Variants in TENM3 observed in about 807,000 individuals in gnomAD.
TENM3 encodes teneurin-3.
In TENM3, 63 loss-of-function variants were observed where a neutral mutation model predicts 255.1. That is an observed-to-expected ratio of 0.25 (90% confidence interval 0.20 to 0.30). The LOEUF (loss-of-function observed/expected upper bound fraction) is 0.30. Among genes scored for constraint, TENM3 ranks in the 10% least tolerant of loss-of-function variants. The probability of loss-of-function intolerance (pLI) is 1.00; values close to 1 mark genes in which losing one functional copy is unlikely to be tolerated. For synonymous variants in TENM3, 1,306 were observed against 1,322.3 expected (o/e 0.99, Z 0.27); for missense variants, 2,929 against 3,461.1 (o/e 0.85, Z 3.86).
At chr4:181,515,829 AGC>A in the TENM3 span, among the ~76,000 whole-genome samples, 1 of 152,176 alleles carries the variant, frequency 6.6e-6, no homozygotes, top group Non-Finnish European at 1.5e-5. Flanking sequence ...CATTTGATAC[AGC>A]AATCCCCTTA....
chr4:182,503,273 T>A (rs1387155094), intron 3 of TENM3, among the ~76,000 whole-genome samples: 1 of 152,152 alleles, frequency 6.6e-6, no homozygotes, highest in Non-Finnish European at 1.5e-5. Flanking sequence ...TTTCAACCTG[T>A]CCCAAACTTC....
At chr4:182,207,945 G>A (rs1289447709) in intron 1 of TENM3, among the ~76,000 whole-genome samples, 1 of 152,160 alleles carries the variant, frequency 6.6e-6, no homozygotes, top group African/African-American at 2.4e-5. Flanking sequence ...TAAAAATGCT[G>A]CTGCTGCTGT....
At chr4:181,757,777 T>C in the TENM3 span, among the ~76,000 whole-genome samples, 1 of 152,146 alleles carries the variant, frequency 6.6e-6, no homozygotes, top group Non-Finnish European at 1.5e-5. Flanking sequence ...AGAAGTTTCA[T>C]CTCCCTTACC....
At chr4:182,378,464 A>C (rs1355440754) in intron 3 of TENM3, among the ~76,000 whole-genome samples, 1 of 152,236 alleles carries the variant, frequency 6.6e-6, no homozygotes, top group East Asian at 1.9e-4. Flanking sequence ...CCAGGTGGCC[A>C]GGGAAGTCAT....
At chr4:181,718,638 G>A in the TENM3 span, among the ~76,000 whole-genome samples, 10 of 152,328 alleles carry the variant, frequency 6.6e-5, no homozygotes, top group East Asian at 1.9e-3. Context: ...ATAAATGTAA[G>A]ATGACTGTCA....
chr4:182,647,541 A>G (rs1415411399), intron 5 of TENM3, among the ~76,000 whole-genome samples: 2 of 152,218 alleles, frequency 1.3e-5, no homozygotes, highest in African/African-American at 4.8e-5. Flanking sequence ...GTCGCATTCT[A>G]TAGCATGTGA....
chr4:182,363,269 A>T (rs9997914), intron 3 of TENM3, among the ~76,000 whole-genome samples: 151,357 of 152,204 alleles, frequency 0.99, 75,264 homozygotes, highest in Middle Eastern at 1. Flanking sequence ...CCTTGATGTG[A>T]GTATGTGATA....
intron 3 of TENM3, among the ~76,000 whole-genome samples, chr4:182,349,220 T>C (rs1765020106): frequency 1.3e-5 from 2 of 152,196 alleles, no homozygotes; most frequent in Admixed American, 1.3e-4. Flanking sequence ...TTGGTTGTGG[T>C]TGTACTTTTA....
intron 19 of TENM3, 64 bp from the exon 20 acceptor site, chr4:182,751,736 T>G: frequency 8.1e-7 from 1 of 1,233,150 alleles, no homozygotes; most frequent in South Asian, 1.2e-5. Context: ...TTATTTTGCT[T>G]TTAATTTCCC....
chr4:181,939,736 A>G, the TENM3 span, among the ~76,000 whole-genome samples: 1 of 152,240 alleles, frequency 6.6e-6, no homozygotes, highest in Non-Finnish European at 1.5e-5. Context: ...GGCAGGGGCC[A>G]GGGTGAGTGG....
intron 1 of TENM3, among the ~76,000 whole-genome samples, chr4:182,267,813 T>C (rs375719576): frequency 6.6e-6 from 1 of 152,102 alleles, no homozygotes; most frequent in African/African-American, 2.4e-5. Flanking sequence ...AGTCTTACCA[T>C]GATTTGTCTT....
At chr4:181,880,501 G>A in the TENM3 span, among the ~76,000 whole-genome samples, 1 of 152,026 alleles carries the variant, frequency 6.6e-6, no homozygotes, top group African/African-American at 2.4e-5. Context: ...TCATCAATTG[G>A]TTTATCATTT....
intron 22 of TENM3, among the ~76,000 whole-genome samples, chr4:182,772,223 T>C (rs1454767370): frequency 8.7e-6 from 1 of 115,550 alleles, no homozygotes; most frequent in Non-Finnish European, 2.0e-5. Context: ...CAAGTGAAAT[T>C]GAAAAAACAA....
At chr4:182,529,488 G>T (rs571193593) in intron 3 of TENM3, among the ~76,000 whole-genome samples, 1 of 152,054 alleles carries the variant, frequency 6.6e-6, no homozygotes, top group African/African-American at 2.4e-5. Context: ...TTTAGTGTTT[G>T]TCTAGGGTTG....
chr4:182,662,269 G>A (rs565409260), intron 6 of TENM3, among the ~76,000 whole-genome samples: 1 of 152,188 alleles, frequency 6.6e-6, no homozygotes, highest in South Asian at 2.1e-4. Flanking sequence ...TAAGACTGTT[G>A]TGACACATAC....
intron 12 of TENM3, among the ~76,000 whole-genome samples, chr4:182,710,167 C>T (rs1579193369): frequency 6.6e-6 from 1 of 152,106 alleles, no homozygotes; most frequent in African/African-American, 2.4e-5. Flanking sequence ...CAGTGATCAG[C>T]GTTATTAATT....
chr4:182,177,614 A>AT lies in TENM3; in HGVS notation c.-76+32874dup, dbSNP rs5864769. 3.6e-3 allele frequency among the ~76,000 whole-genome samples: 474 copies of AT among 132,910 alleles called. 9 individuals carry two copies. Among genetic ancestry groups the AT allele is most frequent in the Admixed American group, 0.016 (214 of 13,734 alleles). The allele number at this position is 132,910 out of a possible 152,430, so 87.2% of individuals were successfully genotyped here. Reference sequence around the variant, plus strand: ...ATATTTGGCATACATATATATATATATTTTTTTTTTTTTTGCTCTACCCTC... The same window carrying AT: ...ATATTTGGCATACATATATATATATATTTTTTTTTTTTTTTGCTCTACCCTC... On this transcript the variant is annotated intron_variant, in intron 1 of 2. Transcript: ENST00000512480.
chr4:182,640,601 A>G (rs1056140279), intron 5 of TENM3, among the ~76,000 whole-genome samples: 2 of 152,130 alleles, frequency 1.3e-5, no homozygotes, highest in Non-Finnish European at 2.9e-5. Context: ...ATCTTGGAAA[A>G]GAGTCACATA....
At chr4:181,474,257 A>G in the TENM3 span, among the ~76,000 whole-genome samples, 1 of 152,108 alleles carries the variant, frequency 6.6e-6, no homozygotes, top group Non-Finnish European at 1.5e-5. Context: ...TGGCATGTGT[A>G]TACCTATGTA....
Sources: allele counts gnomAD v4.1 joint callset (sites outside exome capture counted in the v4.1 genomes callset), GRCh38; gene constraint gnomAD v4.1.1; transcripts MANE v1.5; gene names NCBI Gene and HGNC (gene_info 2026-07-23, HGNC 2026-07-21).